DMD: variants seen among roughly 807,000 people sequenced by gnomAD.
DMD encodes the protein mutant dystrophin.
A neutral mutation model predicts 330.1 loss-of-function variants in DMD; 63 were observed. The ratio of observed to expected loss-of-function variants is 0.19; its 90% confidence interval spans 0.16 to 0.24. The LOEUF (loss-of-function observed/expected upper bound fraction) is 0.24. DMD is among the 10% of genes least tolerant of loss of function. The pLI, the probability that DMD is intolerant of heterozygous loss-of-function variation, is 1.00. For synonymous variants in DMD, 1,223 were observed against 959.8 expected (o/e 1.27, Z -5.07); for missense variants, 3,344 against 2,684.1 (o/e 1.25, Z -5.43).
chrX:33,087,944 C>T (rs2095032331), intron 1 of DMD, among the ~76,000 whole-genome samples: 1 of 111,586 alleles, frequency 9.0e-6, no homozygotes, highest in Non-Finnish European at 1.9e-5. Context: ...GATGTCACCT[C>T]CTTTACGAAA....
At chrX:32,573,710 T>G in intron 14 of DMD, 35 bp downstream of exon 14, 2 of 1,191,989 alleles carry the variant, frequency 1.7e-6, no homozygotes, top group African/African-American at 1.7e-5. Context: ...TATCCCCCCG[T>G]GTCTTTTACA....
At chrX:32,118,158 A>T (rs1239469503) in intron 44 of DMD, among the ~76,000 whole-genome samples, 2 of 111,518 alleles carry the variant, frequency 1.8e-5, no homozygotes, top group Admixed American at 9.5e-5. Context: ...TTGGCCTGTG[A>T]GGTGGGGGAA....
At chrX:31,306,594 A>T (rs2055053265) in intron 62 of DMD, among the ~76,000 whole-genome samples, 1 of 111,824 alleles carries the variant, frequency 8.9e-6, no homozygotes, top group African/African-American at 3.2e-5. Flanking sequence ...TTATTTTATC[A>T]TTTCTCTATT....
intron 54 of DMD, among the ~76,000 whole-genome samples, chrX:31,649,565 C>T (rs4829228): frequency 0.37 from 41,056 of 109,593 alleles, 6,204 homozygotes; most frequent in African/African-American, 0.54. Flanking sequence ...TATTACCCTA[C>T]TGTAGAATGC....
chrX:31,225,240 C>T (rs185543561), intron 63 of DMD, among the ~76,000 whole-genome samples: 3 of 112,249 alleles, frequency 2.7e-5, no homozygotes, highest in African/African-American at 9.7e-5. Context: ...GGTCAGTTGT[C>T]TTAATCAGGA....
chrX:33,033,927 T>C lies in DMD; in HGVS notation c.32-13727A>G, dbSNP rs912087036. Among the ~76,000 whole-genome samples the C allele has an allele frequency of 4.5e-5, 5 of 112,143 alleles. No homozygotes were observed. In the South Asian group the frequency reaches 1.1e-3, roughly 25 times the overall value. ...GCATTTTAAGTATAGTTTTATTTCA[T>C]CTTCATAAATTGTAAACTTTATTTT... On this transcript the variant is annotated intron_variant, in intron 1 of 78. Transcript: ENST00000357033.
chrX:32,280,602 G>T (rs1414422378), intron 43 of DMD, among the ~76,000 whole-genome samples: 8 of 111,383 alleles, frequency 7.2e-5, no homozygotes, highest in Non-Finnish European at 1.5e-4. Context: ...TGCTTATCAT[G>T]TATCTTCCCA....
At chrX:32,619,745 A>C (rs995413900) in intron 11 of DMD, among the ~76,000 whole-genome samples, 3 of 111,812 alleles carry the variant, frequency 2.7e-5, no homozygotes, top group Non-Finnish European at 5.6e-5. Context: ...CTACTTACAC[A>C]TTTATGTGAA....
chrX:31,242,064 T>A (rs1187552328), intron 63 of DMD, among the ~76,000 whole-genome samples: 1 of 108,794 alleles, frequency 9.2e-6, no homozygotes, highest in Non-Finnish European at 1.9e-5. Flanking sequence ...GAGAACAGCC[T>A]GGATAACATG....
At chrX:32,588,748 T>C (rs1361245317) in intron 13 of DMD, among the ~76,000 whole-genome samples, 2 of 111,326 alleles carry the variant, frequency 1.8e-5, no homozygotes, top group African/African-American at 3.3e-5. Flanking sequence ...AGAACAAAGA[T>C]GAAATAATAA....
At chrX:31,752,025 G>C (rs778823446) in intron 51 of DMD, among the ~76,000 whole-genome samples, 1 of 111,666 alleles carries the variant, frequency 9.0e-6, no homozygotes, top group Non-Finnish European at 1.9e-5. Context: ...AATGCCAGTA[G>C]TGTAGCATCT....
chrX:32,529,027 T>C (rs1302229041), intron 17 of DMD, among the ~76,000 whole-genome samples: 2 of 106,909 alleles, frequency 1.9e-5, no homozygotes, highest in East Asian at 3.0e-4. Flanking sequence ...GTTCACACCA[T>C]TCTCCTGCCT....
At chrX:32,638,953 T>C (rs907972738) in intron 11 of DMD, among the ~76,000 whole-genome samples, 53 of 111,789 alleles carry the variant, frequency 4.7e-4, no homozygotes, top group Admixed American at 4.5e-3. Flanking sequence ...AGTCAAAGCA[T>C]TGATGGTGAT....
chrX:32,886,351 T>G (rs2084565945), intron 2 of DMD, among the ~76,000 whole-genome samples: 2 of 110,431 alleles, frequency 1.8e-5, no homozygotes, highest in Non-Finnish European at 3.8e-5. Flanking sequence ...ATAATTTTGC[T>G]AAGTATTTTT....
At chrX:33,217,595 C>A (rs1416448177) in intron 1 of DMD, among the ~76,000 whole-genome samples, 2 of 111,325 alleles carry the variant, frequency 1.8e-5, no homozygotes, top group Admixed American at 9.6e-5. Flanking sequence ...TACAAAAATA[C>A]AATTAATTTT....
rs182585095 is a variant in DMD at position 32,657,501 on chromosome X, T to C, written c.961-12349A>G. On this transcript the variant is annotated intron_variant, in intron 9 of 78. Transcript: ENST00000357033. Reference sequence around the variant, plus strand: ...TAAAAGGGGGGACCTATTTCCAAGATGAGGATGAGGAAATCCAAGTCACAC... The same window carrying C: ...TAAAAGGGGGGACCTATTTCCAAGACGAGGATGAGGAAATCCAAGTCACAC... Among the ~76,000 whole-genome samples, 331 of 111,627 alleles carry C rather than the reference T, an allele frequency of 3.0e-3. 1 individual carries two copies. The highest frequency in any genetic ancestry group is 4.6e-3 in the Non-Finnish European group (246 of 53,029).
intron 55 of DMD, among the ~76,000 whole-genome samples, chrX:31,607,648 T>C (rs1012735483): frequency 8.9e-6 from 1 of 112,404 alleles, no homozygotes; most frequent in Admixed American, 9.5e-5. Context: ...CAGAGGAAAT[T>C]AATGTTATTC....
At position 32,252,861 on chromosome X, in the gene DMD, A is replaced by AAT. The variant is rs1569553755; in HGVS notation, c.6290+34666_6290+34667dup. Among the ~76,000 whole-genome samples the AAT allele has an allele frequency of 1.5e-3, 93 of 61,386 alleles. 1 individual carries two copies. The highest frequency in any genetic ancestry group is 5.3e-3 in the African/African-American group (79 of 14,909). The allele number at this position is 61,386 out of a possible 115,157, so 53.3% of individuals were successfully genotyped here. ...ATATATAAATATATAAATATATATA[A>AAT]ATATATAAATATATAAAAATATATA... On this transcript the variant is annotated intron_variant, in intron 43 of 78. Coordinates refer to ENST00000357033, the MANE Select transcript of DMD (RefSeq NM_004006.3).
chrX:31,148,908 T>C (rs2037055162), intron 74 of DMD, among the ~76,000 whole-genome samples: 1 of 112,112 alleles, frequency 8.9e-6, no homozygotes, highest in African/African-American at 3.2e-5. Context: ...TGCTAATCCA[T>C]TGTTAGTTAT....
Sources: gnomAD v4.1 joint callset for allele counts (sites outside exome capture counted in the v4.1 genomes callset) on GRCh38, gnomAD v4.1.1 for gene constraint, MANE v1.5 for transcripts, NCBI Gene and HGNC (gene_info 2026-07-23, HGNC 2026-07-21) for gene names.